Variants in COL25A1 observed in about 807,000 individuals in gnomAD.
COL25A1 encodes the protein collagen alpha-1(XXV) chain.
In COL25A1, 103 loss-of-function variants were observed where a neutral mutation model predicts 128.4. The observed-to-expected ratio is 0.80, with a 90% CI of 0.68 to 0.94. COL25A1 has a LOEUF of 0.94. Ranked by LOEUF, COL25A1 falls within the 40% of genes least tolerant of loss-of-function variation. The pLI, the probability that COL25A1 is intolerant of heterozygous loss-of-function variation, is 0.00. For synonymous variants in COL25A1, 279 were observed against 277.2 expected (o/e 1.01, Z -0.06); for missense variants, 745 against 840.0 (o/e 0.89, Z 1.40).
intron 3 of COL25A1, among the ~76,000 whole-genome samples, chr4:109,188,579 T>G (rs995473741): frequency 8.5e-5 from 13 of 152,092 alleles, no homozygotes; most frequent in South Asian, 2.1e-4. Flanking sequence ...TCCAGGAAAC[T>G]GTAGCTTTGA....
rs200820886 is a variant in COL25A1 at position 108,813,947 on chromosome 4, A to G, written c.1963-18T>C. On this transcript the variant is annotated intron_variant, in intron 37 of 37. Transcript: ENST00000399132. The stretch of plus-strand genomic sequence containing the variant: ...ATTCATCACTGCAGAAAAAGACAAC[A>G]AAAAGACAAATACATGGAATTAGTA... The G allele has an allele frequency of 1.2e-3, 1,868 of 1,583,526 alleles. 21 individuals are homozygous for G. The highest frequency in any genetic ancestry group is 9.2e-3 in the South Asian group (826 of 89,624).
intron 3 of COL25A1, among the ~76,000 whole-genome samples, chr4:109,159,144 GAGA>G (rs1432119984): frequency 2.0e-5 from 3 of 151,278 alleles, no homozygotes; most frequent in Non-Finnish European, 4.4e-5. Context: ...CTTCAAAGTA[GAGA>G]AGAAGATAAG....
intron 3 of COL25A1, among the ~76,000 whole-genome samples, chr4:109,083,448 ATTTTTTTTTTTTTT>A (rs60165291): frequency 1.6e-4 from 12 of 77,010 alleles, no homozygotes; most frequent in African/African-American, 5.3e-4. Flanking sequence ...CACTAAATAA[ATTTTTTTTTTTTTT>A]TTTTTTTTTT....
intron 3 of COL25A1, among the ~76,000 whole-genome samples, chr4:109,272,119 C>T (rs1162961770): frequency 6.6e-6 from 1 of 152,014 alleles, no homozygotes; most frequent in Non-Finnish European, 1.5e-5. Flanking sequence ...ACCTGTAGTT[C>T]CTGCTACTCA....
At chr4:108,943,244 T>A (rs952639688) in intron 8 of COL25A1, among the ~76,000 whole-genome samples, 7 of 152,192 alleles carry the variant, frequency 4.6e-5, no homozygotes, top group African/African-American at 1.7e-4. Flanking sequence ...GAGATAACTA[T>A]AGACACTGTT....
intron 5 of COL25A1, among the ~76,000 whole-genome samples, chr4:109,027,483 C>T (rs1048755239): frequency 1.3e-5 from 2 of 151,782 alleles, no homozygotes; most frequent in African/African-American, 2.4e-5. Flanking sequence ...GGCTTTTAAT[C>T]AGGATGAAAT....
intron 6 of COL25A1, among the ~76,000 whole-genome samples, chr4:109,008,467 T>A (rs904554886): frequency 6.6e-6 from 1 of 152,176 alleles, no homozygotes; most frequent in Admixed American, 6.5e-5. Context: ...CTCAAATAAG[T>A]TATTTATGCT....
intron 3 of COL25A1, among the ~76,000 whole-genome samples, chr4:109,207,437 C>T (rs538570280): frequency 3.3e-5 from 5 of 151,990 alleles, no homozygotes; most frequent in Non-Finnish European, 7.4e-5. Flanking sequence ...GTCTTCAACA[C>T]AGTTCTACTC....
intron 6 of COL25A1, among the ~76,000 whole-genome samples, chr4:108,999,618 A>G (rs903483966): frequency 6.6e-6 from 1 of 152,234 alleles, no homozygotes; most frequent in Non-Finnish European, 1.5e-5. Flanking sequence ...ATTACTGGGT[A>G]TATACCCAAA....
intron 3 of COL25A1, among the ~76,000 whole-genome samples, chr4:109,174,780 C>T (rs1033841242): frequency 2.6e-5 from 4 of 152,326 alleles, no homozygotes; most frequent in Admixed American, 2.0e-4. Context: ...AAATTAAACA[C>T]TCACCTTTTG....
chr4:109,244,945 A>G (rs1042160594), intron 3 of COL25A1, among the ~76,000 whole-genome samples: 3 of 152,174 alleles, frequency 2.0e-5, no homozygotes, highest in Non-Finnish European at 2.9e-5. Context: ...TCAAATAGCC[A>G]TAAACTAAAA....
intron 5 of COL25A1, among the ~76,000 whole-genome samples, chr4:109,020,268 G>A (rs1757601940): frequency 6.6e-6 from 1 of 152,022 alleles, no homozygotes; most frequent in African/African-American, 2.4e-5. Flanking sequence ...TATCCTACAG[G>A]ATAGATATTA....
chr4:108,904,629 G>A (rs546502486), intron 13 of COL25A1, among the ~76,000 whole-genome samples: 48 of 152,220 alleles, frequency 3.2e-4, no homozygotes, highest in African/African-American at 1.1e-3. Context: ...CAGGTTGTGT[G>A]TGTGTATGTG....
At chr4:109,171,475 G>A (rs919192456) in intron 3 of COL25A1, among the ~76,000 whole-genome samples, 9 of 152,172 alleles carry the variant, frequency 5.9e-5, no homozygotes, top group Admixed American at 2.0e-4. Flanking sequence ...TAAGCAATAA[G>A]TGTTTGTTGC....
intron 31 of COL25A1, among the ~76,000 whole-genome samples, chr4:108,836,592 G>A (rs530731477): frequency 6.0e-4 from 92 of 152,268 alleles, no homozygotes; most frequent in Non-Finnish European, 1.1e-3. Context: ...AGTGAGCTGT[G>A]AGTGTATCAT....
At chr4:108,946,681 G>GTAT (rs1242141261) in intron 8 of COL25A1, among the ~76,000 whole-genome samples, 3 of 152,078 alleles carry the variant, frequency 2.0e-5, no homozygotes. Flanking sequence ...AGAGTGATAA[G>GTAT]TATTATGGTG....
chr4:109,020,553 G>T (rs968036485), intron 5 of COL25A1, among the ~76,000 whole-genome samples: 1 of 150,958 alleles, frequency 6.6e-6, no homozygotes, highest in African/African-American at 2.4e-5. Flanking sequence ...AAACTTGGAA[G>T]ATTTCTTCCA....
At chr4:109,284,097 A>G (rs553282444) in intron 3 of COL25A1, among the ~76,000 whole-genome samples, 1 of 152,324 alleles carries the variant, frequency 6.6e-6, no homozygotes, top group South Asian at 2.1e-4. Flanking sequence ...TTTGATCTTG[A>G]AAACCTTCTT....
chr4:108,967,621 C>A (rs1487350618), intron 8 of COL25A1, among the ~76,000 whole-genome samples: 1 of 152,136 alleles, frequency 6.6e-6, no homozygotes, highest in African/African-American at 2.4e-5. Flanking sequence ...TGTGGATAAT[C>A]ATTTTACTCA....
Sources: gnomAD v4.1 joint callset for allele counts (sites outside exome capture counted in the v4.1 genomes callset) on GRCh38, gnomAD v4.1.1 for gene constraint, MANE v1.5 for transcripts, NCBI Gene and HGNC (gene_info 2026-07-23, HGNC 2026-07-21) for gene names.